The following LRRC20 variants were observed in gnomAD, a reference collection of about 807,000 sequenced individuals.
LRRC20 encodes leucine rich repeat containing 20, also known as leucine-rich repeat-containing protein 20.
A neutral mutation model predicts 14.4 loss-of-function variants in LRRC20; 11 were observed. The ratio of observed to expected loss-of-function variants is 0.77; its 90% CI spans 0.48 to 1.27. The LOEUF (loss-of-function observed/expected upper bound fraction) is 1.27, where lower values mean the gene tolerates loss of function less well. Among genes scored for constraint, LRRC20 ranks in the 50% most tolerant of loss-of-function variants. The pLI is 0.00. For synonymous variants in LRRC20, 121 were observed against 107.3 expected, an observed-to-expected ratio of 1.13 and a Z score of -0.79; for missense variants, 219 against 251.2, an observed-to-expected ratio of 0.87 and a Z score of 0.87.
rs116391110 is a variant in LRRC20, at chr10:70,311,574, C to T, written c.401-10066G>A. Among the ~76,000 whole-genome samples the T allele has an allele frequency of 1.4e-3, 219 of 152,250 alleles. 2 individuals carry two copies. The highest frequency in any genetic ancestry group is 4.9e-3 in the African/African-American group (203 of 41,528). The stretch of plus-strand genomic sequence containing the variant: ...AGAGGCTTTGAGTCTACAGGGCATT[C>T]TGGGGTTACTTCTATCTCTTTGAGC... On this transcript the variant is annotated intron_variant, in intron 4 of 4. Coordinates refer to ENST00000446961, the MANE Select transcript of LRRC20 (RefSeq NM_001278212.2).
chr10:70,363,299 T>C (rs1843825875), intron 2 of LRRC20, among the ~76,000 whole-genome samples: 1 of 150,826 alleles, frequency 6.6e-6, no homozygotes, highest in Non-Finnish European at 1.5e-5. Context: ...CAGAACATTC[T>C]CTCAAGGAAG....
At chr10:70,319,049 C>G (rs530971616) in intron 4 of LRRC20, among the ~76,000 whole-genome samples, 20 of 151,962 alleles carry the variant, frequency 1.3e-4, no homozygotes, top group Non-Finnish European at 2.9e-4. Flanking sequence ...TCAAGCAATT[C>G]TCCCACCTCG....
chr10:70,363,414 A>C (rs971393988), intron 2 of LRRC20, among the ~76,000 whole-genome samples: 1 of 152,144 alleles, frequency 6.6e-6, no homozygotes, highest in Non-Finnish European at 1.5e-5. Flanking sequence ...TCTGTTAATG[A>C]ACCAGGAAGC....
At position 70,301,525 on chromosome 10, in the gene LRRC20, G is replaced by A. The variant is rs1167095117; in HGVS notation, c.401-17C>T. On this transcript the variant is annotated splice_polypyrimidine_tract_variant and intron_variant, in intron 4 of 4. Transcript: ENST00000446961. ...CGGGCACATCTATTGGGGACAGAATGGACAGGTTAGAGTGGTGGAGGCCAA... is the reference window on the plus strand; with the variant it reads ...CGGGCACATCTATTGGGGACAGAATAGACAGGTTAGAGTGGTGGAGGCCAA... The A allele has an allele frequency of 6.2e-7, 1 of 1,613,174 alleles. No homozygotes were observed. Among genetic ancestry groups the A allele is most frequent in the African/African-American group, 1.3e-5 (1 of 75,056 alleles).
At chr10:70,326,205 C>T (rs776378582) in intron 3 of LRRC20, among the ~76,000 whole-genome samples, 2 of 151,978 alleles carry the variant, frequency 1.3e-5, no homozygotes, top group Non-Finnish European at 2.9e-5. Context: ...CTTCCACAGC[C>T]CCACAATGCA....
chr10:70,368,215 T>A (rs1273905465), intron 2 of LRRC20, among the ~76,000 whole-genome samples: 3 of 141,844 alleles, frequency 2.1e-5, no homozygotes, highest in African/African-American at 8.0e-5. Context: ...TGAAGTGCAG[T>A]GGCACAATCT....
At chr10:70,356,592 C>A (rs145122322) in intron 2 of LRRC20, among the ~76,000 whole-genome samples, 61 of 152,100 alleles carry the variant, frequency 4.0e-4, no homozygotes, top group African/African-American at 1.3e-3. Context: ...GTAGCTCACA[C>A]CTGTAATCCC....
At chr10:70,319,174 A>G (rs201195520) in intron 4 of LRRC20, among the ~76,000 whole-genome samples, 27 of 53,044 alleles carry the variant, frequency 5.1e-4, no homozygotes, top group Middle Eastern at 7.2e-3. Context: ...GTGTATAGGG[A>G]AAAAAAAAAA....
chr10:70,341,779 A>C (rs916401460), intron 2 of LRRC20, among the ~76,000 whole-genome samples: 2 of 152,106 alleles, frequency 1.3e-5, no homozygotes, highest in African/African-American at 2.4e-5. Context: ...CCACCAAAAA[A>C]ATTTTTAAAA....
At chr10:70,349,532 C>T (rs1328421391) in intron 2 of LRRC20, among the ~76,000 whole-genome samples, 3 of 152,228 alleles carry the variant, frequency 2.0e-5, no homozygotes, top group Admixed American at 6.5e-5. Context: ...GAGCAGAGAT[C>T]GTGCCACTGC....
intron 2 of LRRC20, among the ~76,000 whole-genome samples, chr10:70,360,391 C>CCCT (rs1843679407): frequency 6.6e-6 from 1 of 150,586 alleles, no homozygotes; most frequent in Non-Finnish European, 1.5e-5. Context: ...CTCCCCATCT[C>CCCT]CCTCCTCCTC....
intron 3 of LRRC20, among the ~76,000 whole-genome samples, chr10:70,336,930 G>A (rs1842740327): frequency 6.6e-6 from 1 of 152,194 alleles, no homozygotes; most frequent in Non-Finnish European, 1.5e-5. Flanking sequence ...GCAGGACATG[G>A]GGACCCACTC....
chr10:70,375,705 A>C (rs1301641139), intron 2 of LRRC20, among the ~76,000 whole-genome samples: 1 of 152,144 alleles, frequency 6.6e-6, no homozygotes, highest in Non-Finnish European at 1.5e-5. Flanking sequence ...TGGTGCCTGC[A>C]TTCCATGGGT....
intron 2 of LRRC20, among the ~76,000 whole-genome samples, chr10:70,372,739 G>T (rs552962404): frequency 1.3e-5 from 2 of 151,864 alleles, no homozygotes; most frequent in African/African-American, 2.4e-5. Flanking sequence ...ACTGCGCCCG[G>T]CCGAGAATGT....
intron 4 of LRRC20, among the ~76,000 whole-genome samples, chr10:70,314,064 T>G (rs1429330869): frequency 6.6e-6 from 1 of 152,084 alleles, no homozygotes; most frequent in African/African-American, 2.4e-5. Context: ...TATAAAACCA[T>G]CAGATCTCGT....
chr10:70,342,508 G>A (rs1231026524), intron 2 of LRRC20, among the ~76,000 whole-genome samples: 2 of 152,058 alleles, frequency 1.3e-5, no homozygotes, highest in African/African-American at 4.8e-5. Flanking sequence ...TAAAAGCATA[G>A]GGGTTCAGAA....
chr10:70,378,789 A>T (rs2137188893), intron 1 of LRRC20, among the ~76,000 whole-genome samples: 1 of 150,658 alleles, frequency 6.6e-6, no homozygotes, highest in African/African-American at 2.4e-5. Context: ...AAAAAAAAAA[A>T]AAAAAAATTA....
In LRRC20 at chr10:70,324,040, G is replaced by A. The variant is rs1842212828; in HGVS notation, c.233-10C>T. 1.2e-6 allele frequency: 2 copies of A among 1,613,350 alleles called. No individual in the cohort carries two copies. The highest frequency in any genetic ancestry group is 1.3e-5 in the African/African-American group (1 of 75,072). The stretch of plus-strand genomic sequence containing the variant: ...CCCTCCAGGTGGAGCTCTGCCACGT[G>A]CAGGGAAGGAGAGAGAACAGGATGA... On this transcript the variant is annotated splice_polypyrimidine_tract_variant and intron_variant, in intron 3 of 4. Transcript: ENST00000446961.
Position 70,377,668 on chromosome 10 carries a change from C to T in LRRC20, c.-63-1072G>A, listed in dbSNP as rs887669948. ...TCCAAGGGCCAAAGGCAGAAGAAGG[C>T]GAAGGGCAGAGAGAAGGGGCATGGG... On this transcript the variant is annotated intron_variant, in intron 1 of 4. Transcript: ENST00000446961. Among the ~76,000 whole-genome samples, 10 of 152,224 alleles carry T rather than the reference C, an allele frequency of 6.6e-5. No individual in the cohort carries two copies. In the East Asian group the frequency reaches 1.2e-3, roughly 18 times the overall value.
Sources: gnomAD v4.1 joint callset for allele counts (sites outside exome capture counted in the v4.1 genomes callset) on GRCh38, gnomAD v4.1.1 for gene constraint, MANE v1.5 for transcripts, NCBI Gene and HGNC (gene_info 2026-07-23, HGNC 2026-07-21) for gene names.